The following ABLIM1 variants were observed in gnomAD, a reference collection of about 807,000 sequenced individuals.
ABLIM1 encodes the protein actin-binding LIM protein 1.
Under a neutral mutation model 107.0 loss-of-function variants are expected in ABLIM1, and 40 were observed. The ratio of observed to expected loss-of-function variants is 0.37; its 90% confidence interval spans 0.29 to 0.49. The LOEUF is 0.49. Among genes scored for constraint, ABLIM1 ranks in the 20% least tolerant of loss-of-function variants. ABLIM1 has a pLI of 0.97. For missense variants in ABLIM1, 857 were observed against 1,008.5 expected (o/e 0.85, Z 2.04); for synonymous variants, 357 against 357.3 (o/e 1.00, Z 0.01).
intron 7 of ABLIM1, 83 bp from the exon 8 acceptor site, chr10:114,488,099 C>A: frequency 7.2e-7 from 1 of 1,389,784 alleles, no homozygotes; most frequent in African/African-American, 1.4e-5. Context: ...GAGAATGGCT[C>A]CTATCCCTCT....
intron 10 of ABLIM1, among the ~76,000 whole-genome samples, chr10:114,469,767 C>T (rs915143401): frequency 1.3e-5 from 2 of 152,192 alleles, no homozygotes; most frequent in African/African-American, 4.8e-5. Flanking sequence ...TCCTGGGACA[C>T]AGTAGTTGCT....
At chr10:114,625,576 G>C (rs1375509437) in intron 1 of ABLIM1, among the ~76,000 whole-genome samples, 1 of 149,958 alleles carries the variant, frequency 6.7e-6, no homozygotes, top group East Asian at 2.4e-4. Context: ...ATTCGCAGAA[G>C]GGATGCGCCT....
chr10:114,780,071 G>A, the ABLIM1 span, among the ~76,000 whole-genome samples: 6 of 152,084 alleles, frequency 3.9e-5, no homozygotes, highest in Non-Finnish European at 5.9e-5. Context: ...TGTGGCTGGA[G>A]GTTTTCCAGG....
At chr10:114,501,329 G>T (rs1160148393) in intron 6 of ABLIM1, among the ~76,000 whole-genome samples, 1 of 152,218 alleles carries the variant, frequency 6.6e-6, no homozygotes, top group East Asian at 1.9e-4. Context: ...CTGTCCAACA[G>T]AGCCAATGTT....
chr10:114,663,069 T>C (rs905794101), upstream of ABLIM1, among the ~76,000 whole-genome samples: 5 of 152,342 alleles, frequency 3.3e-5, no homozygotes, highest in East Asian at 3.9e-4. Context: ...CTGCAGTCTT[T>C]GTCAGCGGCC....
At chr10:114,465,908 T>A in intron 11 of ABLIM1, 81 bp from the exon 12 acceptor site, 1 of 1,471,490 alleles carries the variant, frequency 6.8e-7, no homozygotes, top group Non-Finnish European at 9.3e-7. Flanking sequence ...CAAGGAACCA[T>A]CATGTCTACT....
At chr10:114,523,231 C>T (rs1246856062) in intron 6 of ABLIM1, among the ~76,000 whole-genome samples, 3 of 152,136 alleles carry the variant, frequency 2.0e-5, no homozygotes, top group Non-Finnish European at 4.4e-5. Flanking sequence ...GGATCTTTGG[C>T]TTCTCTGTCT....
chr10:114,587,743 G>A (rs545077422), intron 2 of ABLIM1, among the ~76,000 whole-genome samples: 45 of 152,190 alleles, frequency 3.0e-4, no homozygotes, highest in African/African-American at 9.9e-4. Context: ...CTTTAGTCCT[G>A]GGAAGGCTAT....
chr10:114,468,917 T>G (rs919187234), intron 10 of ABLIM1, among the ~76,000 whole-genome samples: 1 of 151,892 alleles, frequency 6.6e-6, no homozygotes, highest in Non-Finnish European at 1.5e-5. Flanking sequence ...CCAGGCGCGG[T>G]GGCGGGCGCC....
chr10:114,533,143 C>T (rs927295832), intron 6 of ABLIM1, among the ~76,000 whole-genome samples: 9 of 152,074 alleles, frequency 5.9e-5, no homozygotes, highest in Non-Finnish European at 1.3e-4. Context: ...AGTTCAAGAC[C>T]AGCCTGACCA....
chr10:114,718,130 A>AG (rs2081745513), intron 1 of ABLIM1, among the ~76,000 whole-genome samples: 1 of 124,310 alleles, frequency 8.0e-6, no homozygotes, highest in Non-Finnish European at 2.0e-5. Context: ...AAAAAGAAAG[A>AG]AAAGAAAGAA....
At chr10:114,507,716 ACT>A (rs937007433) in intron 6 of ABLIM1, among the ~76,000 whole-genome samples, 2 of 152,196 alleles carry the variant, frequency 1.3e-5, no homozygotes, top group African/African-American at 2.4e-5. Context: ...ATGGCTGGAC[ACT>A]GAGACTCAAG....
intron 6 of ABLIM1, among the ~76,000 whole-genome samples, chr10:114,502,965 C>A (rs560363000): frequency 4.6e-5 from 7 of 152,288 alleles, no homozygotes; most frequent in African/African-American, 1.7e-4. Context: ...CTTCTAACCC[C>A]ACATGCTAGC....
At chr10:114,569,453 G>A (rs904558112) in intron 4 of ABLIM1, among the ~76,000 whole-genome samples, 1 of 152,102 alleles carries the variant, frequency 6.6e-6, no homozygotes, top group South Asian at 2.1e-4. Flanking sequence ...CCGAGTAGCT[G>A]GGATTACAGG....
At chr10:114,684,397 G>C in exon 1 of ABLIM1, 1 of 1,612,910 alleles carries the variant, frequency 6.2e-7, no homozygotes, top group Non-Finnish European at 8.5e-7. Context: ...TAGGCATCTG[G>C]CACACAGAAA....
chr10:114,440,129 C>A, intron 19 of ABLIM1, 40 bp from the exon 20 acceptor site: 1 of 1,579,836 alleles, frequency 6.3e-7, no homozygotes, highest in Non-Finnish European at 8.7e-7. Context: ...AAGGGAAAGA[C>A]CATGGAAAAG....
At chr10:114,539,893 G>A (rs2066452327) in intron 6 of ABLIM1, among the ~76,000 whole-genome samples, 1 of 152,136 alleles carries the variant, frequency 6.6e-6, no homozygotes, top group Admixed American at 6.5e-5. Context: ...GGAAGGGGGA[G>A]GAGGAGGGGA....
chr10:114,457,427 A>C (rs1359719011), intron 12 of ABLIM1, among the ~76,000 whole-genome samples: 2 of 151,942 alleles, frequency 1.3e-5, no homozygotes, highest in East Asian at 3.9e-4. Context: ...GCGCCACCAC[A>C]TCCAGCTAGT....
chr10:114,553,059 G>T (rs73359069), intron 4 of ABLIM1, among the ~76,000 whole-genome samples: 1,946 of 151,874 alleles, frequency 0.013, 51 homozygotes, highest in African/African-American at 0.045. Context: ...CTCAGCCTGG[G>T]CACCTATGTT....
Sources: gnomAD v4.1 joint callset for allele counts (sites outside exome capture counted in the v4.1 genomes callset) on GRCh38, gnomAD v4.1.1 for gene constraint, MANE v1.5 for transcripts, NCBI Gene and HGNC (gene_info 2026-07-23, HGNC 2026-07-21) for gene names.